The following CERS6 variants were observed in gnomAD, a reference collection of about 807,000 sequenced individuals.
CERS6 encodes LAG1 homolog, ceramide synthase 6.
Under a neutral mutation model 56.8 loss-of-function variants are expected in CERS6, and 26 were observed. The ratio of observed to expected loss-of-function variants is 0.46; its 90% CI spans 0.34 to 0.63. The LOEUF (loss-of-function observed/expected upper bound fraction) is 0.63, where lower values mean the gene tolerates loss of function less well. Ranked by LOEUF, CERS6 falls within the 30% of genes least tolerant of loss-of-function variation. The pLI is 0.01. For missense variants in CERS6, 415 were observed against 467.5 expected (o/e 0.89, Z 1.04); for synonymous variants, 164 against 173.3 (o/e 0.95, Z 0.42).
chr2:168,744,228 A>G (rs964843361), intron 8 of CERS6, among the ~76,000 whole-genome samples: 1 of 151,834 alleles, frequency 6.6e-6, no homozygotes, highest in Non-Finnish European at 1.5e-5. Flanking sequence ...GATGGTCTCT[A>G]TCTCCTGACC....
chr2:168,684,895 A>G (rs1312077040), intron 4 of CERS6, among the ~76,000 whole-genome samples: 3 of 152,092 alleles, frequency 2.0e-5, no homozygotes, highest in African/African-American at 7.2e-5. Context: ...GTATAAATTC[A>G]TGGAAGCATT....
intron 8 of CERS6, among the ~76,000 whole-genome samples, chr2:168,744,379 T>C (rs1387782741): frequency 6.6e-6 from 1 of 152,152 alleles, no homozygotes; most frequent in Non-Finnish European, 1.5e-5. Context: ...ACCTTTTTTT[T>C]TTCAGGCTAT....
intron 1 of CERS6, among the ~76,000 whole-genome samples, chr2:168,488,534 A>C (rs1444391511): frequency 6.6e-6 from 1 of 151,922 alleles, no homozygotes; most frequent in Admixed American, 6.6e-5. Flanking sequence ...GTGTGTTTAG[A>C]TCATTTTTGT....
intron 8 of CERS6, among the ~76,000 whole-genome samples, chr2:168,740,617 TG>T (rs1683868928): frequency 6.6e-6 from 1 of 152,232 alleles, no homozygotes; most frequent in Non-Finnish European, 1.5e-5. Flanking sequence ...AGCTGCCGTC[TG>T]AAGAATGAGT....
intron 3 of CERS6, among the ~76,000 whole-genome samples, chr2:168,630,667 C>A (rs577476785): frequency 6.6e-6 from 1 of 152,148 alleles, no homozygotes; most frequent in South Asian, 2.1e-4. Flanking sequence ...CTTCATATTA[C>A]CAAATCATAT....
At position 168,759,395 on chromosome 2, in the gene CERS6, C is replaced by T. The variant is rs529276072; in HGVS notation, c.846-6197C>T. Among the ~76,000 whole-genome samples the T allele has an allele frequency of 2.0e-5, 3 of 152,260 alleles. No individual in the cohort carries two copies. In the South Asian group the frequency reaches 6.2e-4, roughly 32 times the overall value. ...CCCGCGTGAGTATGTACTGTTCATG[C>T]ATGATATGCCATCTAGTGGTTAAGT... On this transcript the variant is annotated intron_variant, in intron 8 of 9. Coordinates refer to ENST00000305747, the MANE Select transcript of CERS6 (RefSeq NM_203463.3).
chr2:168,499,968 C>T (rs528438926), intron 1 of CERS6, among the ~76,000 whole-genome samples: 1 of 152,066 alleles, frequency 6.6e-6, no homozygotes, highest in Non-Finnish European at 1.5e-5. Context: ...TAAACAAGAA[C>T]CTTTGTGCAG....
chr2:168,676,374 G>C (rs536528257), intron 4 of CERS6, among the ~76,000 whole-genome samples: 1 of 152,056 alleles, frequency 6.6e-6, no homozygotes, highest in African/African-American at 2.4e-5. Context: ...GTCCACTGAT[G>C]TACGGAGATC....
intron 8 of CERS6, among the ~76,000 whole-genome samples, chr2:168,736,544 T>C (rs1683723077): frequency 6.6e-6 from 1 of 152,054 alleles, no homozygotes; most frequent in African/African-American, 2.4e-5. Context: ...ATTTCCAGCC[T>C]GGTCTCGGAT....
At chr2:168,735,693 TAGTG>T (rs1559073135) in intron 8 of CERS6, among the ~76,000 whole-genome samples, 1 of 151,144 alleles carries the variant, frequency 6.6e-6, no homozygotes, top group African/African-American at 2.4e-5. Flanking sequence ...CTGGGCAACA[TAGTG>T]AGGCCCCATC....
At chr2:168,751,865 TACC>T (rs1341682623) in intron 8 of CERS6, among the ~76,000 whole-genome samples, 2 of 152,236 alleles carry the variant, frequency 1.3e-5, no homozygotes, top group Non-Finnish European at 2.9e-5. Context: ...CCCTTGTGTA[TACC>T]CTTTGCTTTC....
At chr2:168,610,640 C>A (rs530057744) in intron 3 of CERS6, among the ~76,000 whole-genome samples, 1 of 152,146 alleles carries the variant, frequency 6.6e-6, no homozygotes, top group South Asian at 2.1e-4. Context: ...GGAAAGCAGA[C>A]TTTCATTCTA....
At chr2:168,521,641 T>C (rs1263410254) in intron 1 of CERS6, among the ~76,000 whole-genome samples, 1 of 152,196 alleles carries the variant, frequency 6.6e-6, no homozygotes, top group East Asian at 1.9e-4. Flanking sequence ...TTCTTCTCAC[T>C]GAGTCAGAGG....
rs529858017 is a variant in CERS6 at position 168,481,424 on chromosome 2, G to A, written c.170+24806G>A. Among the ~76,000 whole-genome samples the A allele has an allele frequency of 3.9e-4, 59 of 152,080 alleles. 2 individuals are homozygous for A. The South Asian group carries it at 0.012, about 31-fold the overall frequency. On this transcript the variant is annotated intron_variant, in intron 1 of 9. Coordinates refer to ENST00000305747, the MANE Select transcript of CERS6 (RefSeq NM_203463.3). Reference sequence around the variant, plus strand: ...GGGAGACTCCGTCTCAAAAAAAAACGGACAGTTACAGGTCATCAGCCGCAA... The same window carrying A: ...GGGAGACTCCGTCTCAAAAAAAAACAGACAGTTACAGGTCATCAGCCGCAA...
chr2:168,470,200 T>TG (rs1693950664), intron 1 of CERS6, among the ~76,000 whole-genome samples: 1 of 127,460 alleles, frequency 7.8e-6, no homozygotes, highest in Non-Finnish European at 1.6e-5. Context: ...AGTGAGACCC[T>TG]GCCAACTCTA....
At chr2:168,736,980 AT>A (rs973268776) in intron 8 of CERS6, among the ~76,000 whole-genome samples, 1 of 150,984 alleles carries the variant, frequency 6.6e-6, no homozygotes, top group African/African-American at 2.4e-5. Context: ...TTTTCGGTGG[AT>A]TTGTCTAGAA....
chr2:168,670,966 T>TGCCCCC (rs1685893976), intron 4 of CERS6, among the ~76,000 whole-genome samples: 1 of 30,518 alleles, frequency 3.3e-5, no homozygotes, highest in Non-Finnish European at 1.3e-4. Flanking sequence ...GATACATGCT[T>TGCCCCC]CCCCCCCCCC....
At chr2:168,496,222 A>G (rs976131385) in intron 1 of CERS6, among the ~76,000 whole-genome samples, 1 of 152,198 alleles carries the variant, frequency 6.6e-6, no homozygotes, top group Non-Finnish European at 1.5e-5. Context: ...GTATCTTCCT[A>G]TACAAAGACT....
At chr2:168,755,606 T>C (rs780078118) in intron 8 of CERS6, among the ~76,000 whole-genome samples, 1 of 152,206 alleles carries the variant, frequency 6.6e-6, no homozygotes, top group Non-Finnish European at 1.5e-5. Flanking sequence ...ATTGTTAAAA[T>C]GAGAAAATAC....
Sources: gnomAD v4.1 joint callset for allele counts (sites outside exome capture counted in the v4.1 genomes callset) on GRCh38, gnomAD v4.1.1 for gene constraint, MANE v1.5 for transcripts, NCBI Gene and HGNC (gene_info 2026-07-23, HGNC 2026-07-21) for gene names.